The following ACIN1 variants were observed in gnomAD, a reference collection of about 807,000 sequenced individuals.
ACIN1 encodes the protein apoptotic chromatin condensation inducer 1.
In ACIN1, 16 loss-of-function variants were observed where a neutral mutation model predicts 146.6. That is an observed-to-expected ratio of 0.11 (90% CI 0.07 to 0.17). The LOEUF (loss-of-function observed/expected upper bound fraction) is 0.17, where lower values mean the gene tolerates loss of function less well. Among genes scored for constraint, ACIN1 ranks in the 10% least tolerant of loss-of-function variants. The pLI, the probability that ACIN1 is intolerant of heterozygous loss-of-function variation, is 1.00. For synonymous variants in ACIN1, 569 were observed against 582.7 expected, an observed-to-expected ratio of 0.98 and a Z score of 0.34; for missense variants, 1,357 against 1,609.3, an observed-to-expected ratio of 0.84 and a Z score of 2.68.
chr14:23,086,276 G>C (rs936947104), intron 4 of ACIN1, among the ~76,000 whole-genome samples: 2 of 152,214 alleles, frequency 1.3e-5, no homozygotes, highest in African/African-American at 4.8e-5. Flanking sequence ...ATAAGCCAAA[G>C]GCTGGCTAAA....
intron 8 of ACIN1, among the ~76,000 whole-genome samples, chr14:23,073,591 GA>G (rs1460568812): frequency 6.6e-6 from 1 of 152,148 alleles, no homozygotes; most frequent in African/African-American, 2.4e-5. Flanking sequence ...CCAGGATGCA[GA>G]GGTTGTGGTG....
At chr14:23,092,284 C>T (rs780849911) in intron 2 of ACIN1, among the ~76,000 whole-genome samples, 8 of 152,096 alleles carry the variant, frequency 5.3e-5, no homozygotes, top group South Asian at 2.1e-4. Flanking sequence ...TTATTTTCAC[C>T]TAAAGTAGAA....
At position 23,059,096 on chromosome 14, in the gene ACIN1, A is replaced by C; in HGVS notation, c.*52T>G. Reference sequence around the variant, plus strand: ...AGACTGTGCCTATCCCTCTGTGGCCATAACCCCCTGGGGCCGAGTGGCTGG... The same window carrying C: ...AGACTGTGCCTATCCCTCTGTGGCCCTAACCCCCTGGGGCCGAGTGGCTGG... On this transcript the variant is annotated 3_prime_UTR_variant, in exon 19 of 19. Coordinates refer to ENST00000605057, the MANE Select transcript of ACIN1 (RefSeq NM_001386863.1). The C allele has an allele frequency of 6.4e-7, 1 of 1,572,448 alleles. No individual in the cohort carries two copies. The highest frequency in any genetic ancestry group is 8.7e-7 in the Non-Finnish European group (1 of 1,151,848).
At chr14:23,065,009 A>T (rs1417192382) in intron 10 of ACIN1, among the ~76,000 whole-genome samples, 1 of 152,224 alleles carries the variant, frequency 6.6e-6, no homozygotes, top group Non-Finnish European at 1.5e-5. Flanking sequence ...TGAGCCGTTT[A>T]AACTTTTAAT....
At chr14:23,062,336 G>T in intron 15 of ACIN1, 61 bp from the exon 16 acceptor site, 1 of 1,597,780 alleles carries the variant, frequency 6.3e-7, no homozygotes, top group East Asian at 2.2e-5. Flanking sequence ...CCCACGTGCT[G>T]CAACACCCTT....
chr14:23,069,527 G>C lies in ACIN1; in HGVS notation c.2214C>G (p.Val738=), dbSNP rs2047562332. 6.2e-7 allele frequency: 1 copy of C among 1,613,934 alleles called. No homozygotes were observed. The highest frequency in any genetic ancestry group is 8.5e-7 in the Non-Finnish European group (1 of 1,179,954). The change falls in exon 9 of 19, where the codon GTC becomes GTG. Residue 738 remains valine, a synonymous_variant. Coordinates refer to ENST00000605057, the MANE Select transcript of ACIN1 (RefSeq NM_001386863.1). ...TGCCCTCCGGGCGGTCATCATTGCT[G>C]ACTTGGTCTGCAATAGGCATGGGAG... is the stretch of plus-strand genomic sequence containing the variant. ...PEPPMPIADQ[V]SNDDRPEGSV...
At chr14:23,091,385 G>C (rs986924950) in intron 2 of ACIN1, among the ~76,000 whole-genome samples, 10 of 151,970 alleles carry the variant, frequency 6.6e-5, no homozygotes, top group Non-Finnish European at 1.3e-4. Context: ...GACTGCTTGA[G>C]CTCAGGAGTT....
chr14:23,071,251 C>T (rs2047638684), intron 8 of ACIN1: 5 of 1,513,368 alleles, frequency 3.3e-6, no homozygotes, highest in Non-Finnish European at 4.4e-6. Flanking sequence ...GAAAAAAAAC[C>T]ACACCTTCCT....
intron 4 of ACIN1, among the ~76,000 whole-genome samples, chr14:23,087,707 A>T (rs1276360570): frequency 6.8e-6 from 1 of 147,602 alleles, no homozygotes. Context: ...CTATAGAACT[A>T]AAAAAAAAAC....
chr14:23,065,817 A>G lies in ACIN1; in HGVS notation c.2308+149T>C, dbSNP rs953152188. 28 of 673,112 alleles carry G rather than the reference A, an allele frequency of 4.2e-5. No homozygotes were observed. The Admixed American group carries it at 6.9e-4, about 17-fold the overall frequency. 41.7% of individuals were successfully genotyped at this position (673,112 alleles called of 1,614,324 possible). On this transcript the variant is annotated intron_variant, in intron 10 of 18. Coordinates refer to ENST00000605057, the MANE Select transcript of ACIN1 (RefSeq NM_001386863.1). ...TTTGAATTCCAAAATGAAACCCTAC[A>G]TAGGAAAGGATTCAGATTTGCTAGG...
At chr14:23,066,392 A>T (rs966362518) in intron 9 of ACIN1, 1 of 161,872 alleles carries the variant, frequency 6.2e-6, no homozygotes, top group Non-Finnish European at 1.3e-5. Flanking sequence ...CAAGCCAAAC[A>T]AACTGTGCCC....
Position 23,061,278 on chromosome 14 carries a change from C to A in ACIN1, c.3424+20G>T, listed in dbSNP as rs373732797. The A allele has an allele frequency of 9.3e-6, 15 of 1,613,574 alleles. No homozygotes were observed. The highest frequency in any genetic ancestry group is 1.3e-5 in the Non-Finnish European group (15 of 1,179,726). ...TCCCACCTACTAGTGGGTATGCGTA[C>A]CCCATAGCTAAGTACCTACCTTTCT... On this transcript the variant is annotated intron_variant, in intron 17 of 18. Coordinates refer to ENST00000605057, the MANE Select transcript of ACIN1 (RefSeq NM_001386863.1).
rs1029748237 is a variant in ACIN1 at position 23,067,440 on chromosome 14, G to T, written c.2266-1432C>A. The T allele has an allele frequency of 2.7e-5, 27 of 985,178 alleles. No individual in the cohort carries two copies. The highest frequency in any genetic ancestry group is 3.0e-5 in the Non-Finnish European group (25 of 829,898). The allele number at this position is 985,178 out of a possible 1,614,324, so 61.0% of individuals were successfully genotyped here. On this transcript the variant is annotated intron_variant, in intron 9 of 18. Transcript: ENST00000605057. This position sits in a 1 kb window ranked among gnomAD's most constrained non-coding sequence, Gnocchi z 4.6. ...GGTGGGGGGTTGGGTTGGCAAAAAA[G>T]GTGGGCGCACGGCGTGGTAGTCAGC... is the stretch of plus-strand genomic sequence containing the variant.
chr14:23,061,539 G>C lies in ACIN1; in HGVS notation c.3183C>G (p.Pro1061=), dbSNP rs748824887. 5.0e-6 allele frequency: 8 copies of C among 1,591,526 alleles called. No individual in the cohort carries two copies. The highest frequency in any genetic ancestry group is 6.0e-6 in the Non-Finnish European group (7 of 1,170,148). Residue 1061 remains proline (P), a synonymous_variant, in exon 17 of 19, where the codon CCC becomes CCG. Coordinates refer to ENST00000605057, the MANE Select transcript of ACIN1 (RefSeq NM_001386863.1). ...GTGGCTGGACCGGGGGTGGGGGTGGGGGGTGCAGGGGCCGTGGTATTCCCT... is the reference window on the plus strand; with the variant it reads ...GTGGCTGGACCGGGGGTGGGGGTGGCGGGTGCAGGGGCCGTGGTATTCCCT... ...EEQGIPRPLH[P]PPPPPVQPPQ...
chr14:23,059,364 T>C lies in ACIN1; in HGVS notation c.3636A>G (p.Glu1212=), dbSNP rs920178613. The C allele has an allele frequency of 1.9e-6, 3 of 1,612,990 alleles. No homozygotes were observed. The African/African-American group carries it at 4.0e-5, about 22-fold the overall frequency. The change falls in exon 19 of 19, where the codon GAA becomes GAG. Residue 1212 remains glutamate, a synonymous_variant. Transcript: ENST00000605057. ...TCTCTCGCTCCAGCTGTCGGTTCCG[T>C]TCCCGCTCGGCTTCCTTCTCCCGCT... is the stretch of plus-strand genomic sequence containing the variant. The part of the protein sequence containing the change: ...QKEREKEAER[E]RNRQLEREKR...
In ACIN1 at chr14:23,080,657, T is replaced by A. The variant is rs539428272; in HGVS notation, c.678A>T (p.Glu226Asp). 17 of 1,613,194 alleles carry A rather than the reference T, an allele frequency of 1.1e-5. No individual in the cohort carries two copies. Among genetic ancestry groups the A allele is most frequent in the East Asian group, 2.2e-5 (1 of 44,752 alleles). Residue 226 changes from glutamate to aspartate, a missense_variant, in exon 6 of 19, where the codon GAA (glutamate) becomes GAT (aspartate). Coordinates refer to ENST00000605057, the MANE Select transcript of ACIN1 (RefSeq NM_001386863.1). Reference protein sequence around the residue: ...EEEEEEEEDDEEEEGDDEGQK... With the variant: ...EEEEEEEEDDDEEEGDDEGQK... ...GTCCCTCATCATCACCTTCCTCTTC[T>A]TCATCATCTTCTTCCTCCTCCTCCT...
At chr14:23,089,481 C>A (rs1012714423) in intron 4 of ACIN1, among the ~76,000 whole-genome samples, 3 of 152,210 alleles carry the variant, frequency 2.0e-5, no homozygotes, top group Non-Finnish European at 4.4e-5. Flanking sequence ...TGCACAGTAG[C>A]CAAAACAACT....
At chr14:23,079,059 T>C in intron 6 of ACIN1, 21 bp from the exon 7 acceptor site, 2 of 1,604,530 alleles carry the variant, frequency 1.2e-6, no homozygotes, top group South Asian at 1.1e-5. Flanking sequence ...ATGAAACACA[T>C]AACAAGGAAA....
At chr14:23,083,031 A>G (rs1204431774) in intron 4 of ACIN1, among the ~76,000 whole-genome samples, 1 of 148,352 alleles carries the variant, frequency 6.7e-6, no homozygotes, top group Non-Finnish European at 1.5e-5. Context: ...GAGTCACCGC[A>G]CCCGGACTAG....
Sources: allele counts gnomAD v4.1 joint callset (sites outside exome capture counted in the v4.1 genomes callset), GRCh38; gene constraint gnomAD v4.1.1; non-coding constraint Gnocchi (gnomAD v3.1); transcripts MANE v1.5; gene names NCBI Gene and HGNC (gene_info 2026-07-23, HGNC 2026-07-21).